The following MAPKAP1 variants were observed in gnomAD, a reference collection of about 807,000 sequenced individuals.
MAPKAP1 encodes target of rapamycin complex 2 subunit MAPKAP1.
Under a neutral mutation model 65.7 loss-of-function variants are expected in MAPKAP1, and 20 were observed. The ratio of observed to expected loss-of-function variants is 0.30; its 90% CI spans 0.21 to 0.44. The LOEUF (loss-of-function observed/expected upper bound fraction) is 0.44. Ranked by LOEUF, MAPKAP1 falls within the 20% of genes least tolerant of loss-of-function variation. MAPKAP1 has a pLI of 1.00. For synonymous variants in MAPKAP1, 222 were observed against 244.3 expected, an observed-to-expected ratio of 0.91 and a Z score of 0.85; for missense variants, 423 against 648.0, an observed-to-expected ratio of 0.65 and a Z score of 3.77.
intron 4 of MAPKAP1, among the ~76,000 whole-genome samples, chr9:125,604,543 A>G (rs551129597): frequency 1.3e-5 from 2 of 152,372 alleles, no homozygotes; most frequent in African/African-American, 4.8e-5. Context: ...TTTCCTTACA[A>G]GCATTCACCT....
chr9:125,672,372 T>C lies in MAPKAP1; in HGVS notation c.203A>G (p.Gln68Arg), dbSNP rs1432279115. 4 of 1,614,206 alleles carry C rather than the reference T, an allele frequency of 2.5e-6. No homozygotes were observed. The highest frequency in any genetic ancestry group is 3.4e-6 in the Non-Finnish European group (4 of 1,179,994). ...NGETQGYVYA[Q>R]SVDITSSWDF... ...CCAACTTGAGGTAATATCGACTGAC[T>C]GGGCATATACATAGCCCTGAGTCTC... Residue 68 changes from glutamine to arginine, a missense_variant, in exon 2 of 12, where the codon CAG (glutamine) becomes CGG (arginine). Gln to Arg is a conservative substitution (Grantham distance 43, BLOSUM62 1). This residue lies in a region of MAPKAP1 where 58 missense variants were observed against 56.9 expected (regional missense o/e 1.02). Coordinates refer to ENST00000265960, the MANE Select transcript of MAPKAP1 (RefSeq NM_001006617.3).
chr9:125,451,559 C>G (rs1215494900), intron 10 of MAPKAP1, among the ~76,000 whole-genome samples: 3 of 152,142 alleles, frequency 2.0e-5, no homozygotes, highest in Admixed American at 1.3e-4. Context: ...CTCCACATGG[C>G]CCCCAGTGCA....
At chr9:125,549,919 T>C (rs1332961976) in intron 6 of MAPKAP1, among the ~76,000 whole-genome samples, 4 of 152,170 alleles carry the variant, frequency 2.6e-5, no homozygotes, top group Non-Finnish European at 4.4e-5. Flanking sequence ...TGCAAAGACA[T>C]TCACATTCCG....
intron 6 of MAPKAP1, among the ~76,000 whole-genome samples, chr9:125,554,157 A>G (rs1282112620): frequency 6.6e-6 from 1 of 152,240 alleles, no homozygotes; most frequent in Admixed American, 6.5e-5. Context: ...CATTACTGCA[A>G]GCTGCATACA....
intron 5 of MAPKAP1, among the ~76,000 whole-genome samples, chr9:125,569,165 G>C (rs982673988): frequency 6.6e-6 from 1 of 152,190 alleles, no homozygotes; most frequent in Non-Finnish European, 1.5e-5. Flanking sequence ...TCTCCACCTT[G>C]TTTTATGCCC....
chr9:125,706,527 GAATC>G (rs1046722405), intron 1 of MAPKAP1, among the ~76,000 whole-genome samples: 9 of 151,972 alleles, frequency 5.9e-5, no homozygotes, highest in African/African-American at 1.9e-4. Flanking sequence ...AACAAAGAAT[GAATC>G]AAAGTTCCAG....
At chr9:125,554,794 C>CAA (rs56911891) in intron 6 of MAPKAP1, among the ~76,000 whole-genome samples, 1,476 of 65,510 alleles carry the variant, frequency 0.023, 45 homozygotes, top group Non-Finnish European at 0.025. Flanking sequence ...AGACACTTAT[C>CAA]AAAAAAAAAA....
chr9:125,686,982 C>T (rs966750292), intron 1 of MAPKAP1, among the ~76,000 whole-genome samples: 4 of 152,000 alleles, frequency 2.6e-5, no homozygotes, highest in South Asian at 2.1e-4. Context: ...GCCACCACCA[C>T]GCCCGGCTAA....
chr9:125,481,719 G>GCCTA (rs1391443363), intron 9 of MAPKAP1, among the ~76,000 whole-genome samples: 1 of 151,894 alleles, frequency 6.6e-6, no homozygotes, highest in African/African-American at 2.4e-5. Flanking sequence ...ATGGCACCCA[G>GCCTA]CCTACTTATT....
intron 10 of MAPKAP1, among the ~76,000 whole-genome samples, chr9:125,462,946 A>T (rs536007449): frequency 2.2e-4 from 34 of 152,204 alleles, no homozygotes; most frequent in Non-Finnish European, 4.6e-4. Flanking sequence ...CAAAATGTCG[A>T]CTTCCCTGGC....
At chr9:125,573,449 T>C (rs1831300765) in intron 5 of MAPKAP1, among the ~76,000 whole-genome samples, 1 of 152,142 alleles carries the variant, frequency 6.6e-6, no homozygotes, top group African/African-American at 2.4e-5. Flanking sequence ...GCATTAATAA[T>C]CCACCCCTTG....
intron 4 of MAPKAP1, among the ~76,000 whole-genome samples, chr9:125,631,314 G>C (rs1017924987): frequency 6.6e-6 from 1 of 152,160 alleles, no homozygotes; most frequent in African/African-American, 2.4e-5. Context: ...CCAGCATTTT[G>C]TTATAGCAAC....
At chr9:125,704,805 T>C (rs1288010695) in intron 1 of MAPKAP1, among the ~76,000 whole-genome samples, 1 of 152,188 alleles carries the variant, frequency 6.6e-6, no homozygotes. Flanking sequence ...TACCTTTGTA[T>C]CTTATAGCTA....
At chr9:125,682,487 C>T (rs1302882477) in intron 1 of MAPKAP1, among the ~76,000 whole-genome samples, 10 of 152,142 alleles carry the variant, frequency 6.6e-5, no homozygotes, top group Admixed American at 6.5e-4. Context: ...AAACTTCAAA[C>T]AACCTAACCA....
Position 125,596,500 on chromosome 9 carries a change from G to C in MAPKAP1, c.499-10773C>G. 1.2e-5 allele frequency: 9 copies of C among 738,136 alleles called. 1 individual carries two copies. Among genetic ancestry groups the C allele is most frequent in the South Asian group, 1.2e-4 (9 of 74,282 alleles). 45.7% of individuals were successfully genotyped at this position (738,136 alleles called of 1,614,324 possible). On this transcript the variant is annotated intron_variant, in intron 4 of 11. Transcript: ENST00000265960. ...TTCAAATTTTGAACCCATGATGAAA[G>C]GAAACTTTGGAGGCAGAAGCTCTGG...
chr9:125,462,194 C>T (rs1335433733), intron 10 of MAPKAP1, among the ~76,000 whole-genome samples: 4 of 152,116 alleles, frequency 2.6e-5, no homozygotes, highest in African/African-American at 4.8e-5. Context: ...GGCGAGGATC[C>T]GACGGATAAG....
intron 3 of MAPKAP1, among the ~76,000 whole-genome samples, chr9:125,664,963 A>G (rs2131778581): frequency 6.6e-6 from 1 of 152,160 alleles, no homozygotes; most frequent in South Asian, 2.1e-4. Flanking sequence ...CAGTTTTCTC[A>G]CCTGTAAAAG....
At chr9:125,664,586 G>A (rs1053764032) in intron 3 of MAPKAP1, among the ~76,000 whole-genome samples, 4 of 150,538 alleles carry the variant, frequency 2.7e-5, no homozygotes, top group Non-Finnish European at 4.4e-5. Context: ...TTAGCCAGGC[G>A]TGGTGGCAGA....
intron 3 of MAPKAP1, among the ~76,000 whole-genome samples, chr9:125,662,198 A>G (rs1362523738): frequency 1.3e-5 from 2 of 152,130 alleles, no homozygotes; most frequent in African/African-American, 4.8e-5. Context: ...CCTGGCCAAC[A>G]TGGCAAAATC....
Sources: gnomAD v4.1 joint callset for allele counts (sites outside exome capture counted in the v4.1 genomes callset) on GRCh38, gnomAD v4.1.1 for gene constraint, gnomAD v4.1.1 regional missense constraint, MANE v1.5 for transcripts, NCBI Gene and HGNC (gene_info 2026-07-23, HGNC 2026-07-21) for gene names.